The following ZMAT4 variants were observed in gnomAD, a reference collection of about 807,000 sequenced individuals.
ZMAT4 encodes the protein zinc finger matrin-type protein 4.
ZMAT4 carries 17 observed loss-of-function variants against 28.7 expected under a neutral mutation model. The observed-to-expected ratio is 0.59, with a 90% CI of 0.41 to 0.89. The LOEUF (loss-of-function observed/expected upper bound fraction) is 0.89. Ranked by LOEUF, ZMAT4 falls within the 40% of genes least tolerant of loss-of-function variation. The pLI, the probability that ZMAT4 is intolerant of heterozygous loss-of-function variation, is 0.00. For synonymous variants in ZMAT4, 117 were observed against 109.2 expected, an observed-to-expected ratio of 1.07 and a Z score of -0.44; for missense variants, 240 against 283.8, an observed-to-expected ratio of 0.85 and a Z score of 1.11.
At chr8:40,585,148 T>C (rs988297502) in intron 5 of ZMAT4, among the ~76,000 whole-genome samples, 11 of 152,296 alleles carry the variant, frequency 7.2e-5, no homozygotes, top group Admixed American at 4.6e-4. Flanking sequence ...TTTTTGTTTT[T>C]GTTTCAATCA....
At chr8:40,720,341 G>A (rs4333583) in intron 3 of ZMAT4, among the ~76,000 whole-genome samples, 147,343 of 152,058 alleles carry the variant, frequency 0.97, 71,557 homozygotes, top group East Asian at 1. Context: ...GGTTTTCTAG[G>A]ACTCTTTATT....
chr8:40,601,086 A>G (rs1470648401), intron 5 of ZMAT4, among the ~76,000 whole-genome samples: 1 of 152,122 alleles, frequency 6.6e-6, no homozygotes, highest in African/African-American at 2.4e-5. Flanking sequence ...TGTTGAAAGA[A>G]TACAATGTAA....
chr8:40,865,799 A>C (rs967434325), intron 1 of ZMAT4, among the ~76,000 whole-genome samples: 18 of 152,346 alleles, frequency 1.2e-4, no homozygotes, highest in Middle Eastern at 3.4e-3. Context: ...AATGTGGAGA[A>C]GTTTGGGCCC....
intron 1 of ZMAT4, among the ~76,000 whole-genome samples, chr8:40,840,869 C>T (rs967260620): frequency 1.3e-5 from 2 of 152,144 alleles, no homozygotes; most frequent in Admixed American, 6.5e-5. Flanking sequence ...TTCTAAGTTC[C>T]ATAATGTCAA....
intron 3 of ZMAT4, among the ~76,000 whole-genome samples, chr8:40,726,868 C>T (rs986452485): frequency 2.6e-5 from 4 of 152,184 alleles, no homozygotes; most frequent in African/African-American, 9.6e-5. Flanking sequence ...TGGGCTAATG[C>T]GTTCCGCTTC....
chr8:40,541,821 G>A (rs1401407199), intron 6 of ZMAT4, among the ~76,000 whole-genome samples: 1 of 152,200 alleles, frequency 6.6e-6, no homozygotes, highest in South Asian at 2.1e-4. Flanking sequence ...CGAAGTGCAG[G>A]GAGCAGGGGA....
intron 5 of ZMAT4, among the ~76,000 whole-genome samples, chr8:40,651,719 G>T (rs1451231073): frequency 2.6e-5 from 4 of 151,874 alleles, no homozygotes; most frequent in Admixed American, 2.6e-4. Flanking sequence ...GTTTGGTACT[G>T]GTACCAAAAC....
chr8:40,897,321 G>A (rs1003701057), intron 1 of ZMAT4, among the ~76,000 whole-genome samples: 1 of 152,042 alleles, frequency 6.6e-6, no homozygotes, highest in African/African-American at 2.4e-5. Flanking sequence ...CGTTTCTCTC[G>A]GAACCAGCCT....
chr8:40,535,315 G>T (rs1802812182), intron 6 of ZMAT4, among the ~76,000 whole-genome samples: 1 of 152,020 alleles, frequency 6.6e-6, no homozygotes, highest in Non-Finnish European at 1.5e-5. Flanking sequence ...CAGGATAGGG[G>T]GATTCTCTGA....
Position 40,770,153 on chromosome 8 carries a change from C to T in ZMAT4, c.103-2423G>A, listed in dbSNP as rs140573593. Among the ~76,000 whole-genome samples the T allele has an allele frequency of 3.8e-3, 578 of 152,254 alleles. 4 individuals are homozygous for T. The highest frequency in any genetic ancestry group is 4.5e-3 in the Non-Finnish European group (308 of 68,020). ...CCTGATTCTGGAATGATGGCGGAGG[C>T]ATCCTAGTTCATTATTTAGCAGCAT... is the stretch of plus-strand genomic sequence containing the variant. On this transcript the variant is annotated intron_variant, in intron 2 of 6. Transcript: ENST00000297737.
chr8:40,821,788 G>C (rs1815839640), intron 2 of ZMAT4, among the ~76,000 whole-genome samples: 1 of 152,252 alleles, frequency 6.6e-6, no homozygotes, highest in East Asian at 1.9e-4. Context: ...AAATGCTTAA[G>C]AGCCTCACAG....
chr8:40,725,770 A>AAAAAAAAG (rs1468936686), intron 3 of ZMAT4, among the ~76,000 whole-genome samples: 1 of 152,072 alleles, frequency 6.6e-6, no homozygotes, highest in Non-Finnish European at 1.5e-5. Context: ...ACTCTGCCTC[A>AAAAAAAAG]AAAAAAAGAA....
At chr8:40,859,567 A>G (rs959952605) in intron 1 of ZMAT4, among the ~76,000 whole-genome samples, 1 of 152,164 alleles carries the variant, frequency 6.6e-6, no homozygotes, top group African/African-American at 2.4e-5. Context: ...CTTTTAACAT[A>G]AGCAAGACAA....
intron 6 of ZMAT4, among the ~76,000 whole-genome samples, chr8:40,566,374 T>C (rs531941587): frequency 2.0e-5 from 3 of 152,186 alleles, no homozygotes; most frequent in Non-Finnish European, 4.4e-5. Context: ...TTTTTTTAAC[T>C]TGTGCTGATG....
At chr8:40,620,890 A>AT (rs1196012370) in intron 5 of ZMAT4, among the ~76,000 whole-genome samples, 3 of 152,152 alleles carry the variant, frequency 2.0e-5, no homozygotes, top group African/African-American at 7.2e-5. Flanking sequence ...CTTTACATTT[A>AT]TTTTTCAGCA....
At chr8:40,774,489 A>T (rs1813508004) in intron 2 of ZMAT4, among the ~76,000 whole-genome samples, 2 of 152,228 alleles carry the variant, frequency 1.3e-5, no homozygotes, top group Admixed American at 1.3e-4. Flanking sequence ...AACTTGTTTG[A>T]GTCAACAATC....
intron 3 of ZMAT4, among the ~76,000 whole-genome samples, chr8:40,727,577 G>A (rs980965168): frequency 6.6e-6 from 1 of 152,196 alleles, no homozygotes; most frequent in Non-Finnish European, 1.5e-5. Flanking sequence ...AAGGAGAAGA[G>A]GGTGGATATT....
Position 40,792,973 on chromosome 8 carries a change from C to T in ZMAT4, c.103-25243G>A, listed in dbSNP as rs74953340. Among the ~76,000 whole-genome samples, 1,447 of 151,926 alleles carry T rather than the reference C, an allele frequency of 9.5e-3. 26 individuals carry two copies. Among genetic ancestry groups the T allele is most frequent in the African/African-American group, 0.034 (1,394 of 41,420 alleles). On this transcript the variant is annotated intron_variant, in intron 2 of 6. Coordinates refer to ENST00000297737, the MANE Select transcript of ZMAT4 (RefSeq NM_024645.3). ...GGGGATGGTGAATAGGCAGAGCACA[C>T]AGGATTTTTCAGCTGGGGAAACTGC... is the stretch of plus-strand genomic sequence containing the variant.
chr8:40,822,822 T>G (rs1224306803), intron 2 of ZMAT4, among the ~76,000 whole-genome samples: 1 of 152,186 alleles, frequency 6.6e-6, no homozygotes, highest in Non-Finnish European at 1.5e-5. Flanking sequence ...GGGAATGCAT[T>G]TAATGTTATC....
Sources: gnomAD v4.1 joint callset for allele counts (sites outside exome capture counted in the v4.1 genomes callset) on GRCh38, gnomAD v4.1.1 for gene constraint, MANE v1.5 for transcripts, NCBI Gene and HGNC (gene_info 2026-07-23, HGNC 2026-07-21) for gene names.